HSD17B4: variants seen among roughly 807,000 people sequenced by gnomAD.
The protein encoded by HSD17B4 is hydroxysteroid 17-beta dehydrogenase 4, also known as peroxisomal multifunctional enzyme type 2.
A neutral mutation model predicts 101.0 loss-of-function variants in HSD17B4; 70 were observed. That is an observed-to-expected ratio of 0.69 (90% confidence interval 0.57 to 0.85). The LOEUF is 0.85. HSD17B4 is among the 40% of genes least tolerant of loss of function. The pLI, the probability that HSD17B4 is intolerant of heterozygous loss-of-function variation, is 0.00. For missense variants in HSD17B4, 984 were observed against 892.4 expected (o/e 1.10, Z -1.31); for synonymous variants, 347 against 297.1 (o/e 1.17, Z -1.73).
intron 8 of HSD17B4, among the ~76,000 whole-genome samples, chr5:119,483,926 C>G (rs1228910796): frequency 6.6e-6 from 1 of 152,088 alleles, no homozygotes; most frequent in African/African-American, 2.4e-5. Flanking sequence ...TTCTAGTTGT[C>G]TAGAAAGAGA....
intron 2 of HSD17B4, 195 bp downstream of exon 2, chr5:119,456,563 A>G: frequency 1.7e-6 from 1 of 586,630 alleles, no homozygotes; most frequent in South Asian, 2.0e-5. Context: ...GTTTCACAGA[A>G]TTCCCAGCTT....
At chr5:119,463,363 T>A (rs924971551) in intron 2 of HSD17B4, among the ~76,000 whole-genome samples, 1 of 152,186 alleles carries the variant, frequency 6.6e-6, no homozygotes, top group Non-Finnish European at 1.5e-5. Context: ...TTCCTTTGGG[T>A]TATATATACC....
At chr5:119,494,457 G>A (rs1306506243) in intron 11 of HSD17B4, among the ~76,000 whole-genome samples, 1 of 148,106 alleles carries the variant, frequency 6.8e-6, no homozygotes, top group Non-Finnish European at 1.5e-5. Context: ...CATAAATGTG[G>A]CTTTGTTTTA....
At chr5:119,463,509 G>T in intron 2 of HSD17B4, among the ~76,000 whole-genome samples, 1 of 143,438 alleles carries the variant, frequency 7.0e-6, no homozygotes, top group Non-Finnish European at 1.5e-5. Context: ...TCACATTTTT[G>T]TCATCCTTTG....
chr5:119,471,075 T>C (rs576238275), intron 2 of HSD17B4, among the ~76,000 whole-genome samples: 82 of 152,334 alleles, frequency 5.4e-4, no homozygotes, highest in Admixed American at 1.9e-3. Flanking sequence ...CAATGCTTTC[T>C]TCACTTAAGT....
At position 119,489,238 on chromosome 5, in the gene HSD17B4, T is replaced by C. The variant is rs2126740206; in HGVS notation, c.669T>C (p.Leu223=). ...CAGAGTATGTGGCACCTCTTGTCCT[T>C]TGGCTTTGTCACGAGAGTTGTGAGG... ...LKPEYVAPLV[L]WLCHESCEEN... Residue 223 remains leucine, a synonymous_variant, in exon 9 of 24, where the codon CTT becomes CTC. Transcript: ENST00000510025. 3 of 1,612,890 alleles carry C rather than the reference T, an allele frequency of 1.9e-6. No homozygotes were observed.
Position 119,462,871 on chromosome 5 carries a change from C to T in HSD17B4, c.112+6503C>T, listed in dbSNP as rs371610067. On this transcript the variant is annotated intron_variant, in intron 2 of 23. Transcript: ENST00000510025. ...GCATTGGGAACATTCAAAATCCTCT[C>T]TTCTAGCTATTTGAAAATATAGTAT... Among the ~76,000 whole-genome samples the T allele has an allele frequency of 8.5e-4, 130 of 152,326 alleles. 1 individual carries two copies. Among genetic ancestry groups the T allele is most frequent in the African/African-American group, 2.8e-3 (118 of 41,576 alleles).
rs555429246 is a variant in HSD17B4 at position 119,493,718 on chromosome 5, C to T, written c.740-100C>T. On this transcript the variant is annotated intron_variant, in intron 10 of 23. Coordinates refer to ENST00000510025, the MANE Select transcript of HSD17B4 (RefSeq NM_000414.4). ...TTTAGGAGTTAGAATCCCTTTTTTT[C>T]TGAATTTCCTTTCTCTTTAAAAATG... 3.2e-4 allele frequency: 364 copies of T among 1,132,674 alleles called. 1 individual carries two copies. In the African/African-American group the frequency reaches 4.5e-3, roughly 14 times the overall value. The allele number at this position is 1,132,674 out of a possible 1,614,324, so 70.2% of individuals were successfully genotyped here.
chr5:119,522,934 T>C (rs2126865746), intron 17 of HSD17B4, among the ~76,000 whole-genome samples: 2 of 152,286 alleles, frequency 1.3e-5, no homozygotes, highest in African/African-American at 4.8e-5. Flanking sequence ...GATTTTCCTT[T>C]TCCCTCTTCC....
intron 22 of HSD17B4, among the ~76,000 whole-genome samples, chr5:119,533,273 T>A (rs751831563): frequency 1.4e-5 from 2 of 139,110 alleles, no homozygotes; most frequent in Non-Finnish European, 3.1e-5. Context: ...ACTACAAATA[T>A]GCATTGACAG....
intron 22 of HSD17B4, among the ~76,000 whole-genome samples, chr5:119,532,841 A>G (rs1254807090): frequency 6.6e-6 from 1 of 152,124 alleles, no homozygotes; most frequent in Non-Finnish European, 1.5e-5. Context: ...AACTCCAGAA[A>G]CCAAAAAGCT....
chr5:119,487,126 C>A (rs1749677110), intron 8 of HSD17B4: 1 of 152,054 alleles, frequency 6.6e-6, no homozygotes, highest in African/African-American at 2.4e-5. Context: ...AGGTTTAGGA[C>A]CCCATCTTGA....
intron 16 of HSD17B4, among the ~76,000 whole-genome samples, chr5:119,510,471 T>C (rs1384240226): frequency 6.6e-6 from 1 of 152,228 alleles, no homozygotes; most frequent in Non-Finnish European, 1.5e-5. Flanking sequence ...AAGATTATAC[T>C]GTAGTCAATA....
intron 17 of HSD17B4, among the ~76,000 whole-genome samples, chr5:119,524,376 T>A (rs997744099): frequency 1.3e-5 from 2 of 152,146 alleles, no homozygotes; most frequent in Non-Finnish European, 2.9e-5. Context: ...TAAAAAGATA[T>A]GGCTAGTCTT....
chr5:119,472,626 G>T (rs1262894133), intron 2 of HSD17B4: 9 of 152,314 alleles, frequency 5.9e-5, no homozygotes, highest in Admixed American at 5.9e-4. Context: ...TAGAGACGGG[G>T]TTTCACCATG....
chr5:119,471,714 G>A, intron 2 of HSD17B4: 1 of 1,366,544 alleles, frequency 7.3e-7, no homozygotes, highest in Non-Finnish European at 9.9e-7. Flanking sequence ...ATTCTCTTAA[G>A]TTCTGTTTTT....
At chr5:119,506,023 A>AT (rs1437656855) in intron 14 of HSD17B4, among the ~76,000 whole-genome samples, 2 of 151,960 alleles carry the variant, frequency 1.3e-5, no homozygotes, top group South Asian at 4.2e-4. Context: ...CATTATTATT[A>AT]TTTTTTATTA....
At chr5:119,455,764 C>T (rs26181) in intron 1 of HSD17B4, among the ~76,000 whole-genome samples, 96,231 of 151,664 alleles carry the variant, frequency 0.63, 31,189 homozygotes, top group East Asian at 0.93. Context: ...TAGAATAACT[C>T]CTGAAACAAT....
chr5:119,507,658 CCTGTAGTCCCGGCTACTTGGGAGG>C (rs1751780073), intron 15 of HSD17B4, among the ~76,000 whole-genome samples: 1 of 151,676 alleles, frequency 6.6e-6, no homozygotes, highest in Non-Finnish European at 1.5e-5. Flanking sequence ...GTGGCGGGCG[CCTGTAGTCCCGGCTACTTGGGAGG>C]CTGAGGCAGG....
Sources: gnomAD v4.1 joint callset for allele counts (sites outside exome capture counted in the v4.1 genomes callset) on GRCh38, gnomAD v4.1.1 for gene constraint, MANE v1.5 for transcripts, NCBI Gene and HGNC (gene_info 2026-07-23, HGNC 2026-07-21) for gene names.